Variants in TLL2 observed in about 807,000 individuals in gnomAD.
The protein encoded by TLL2 is tolloid like 2.
A neutral mutation model predicts 123.0 loss-of-function variants in TLL2; 106 were observed. That is an observed-to-expected ratio of 0.86 (90% CI 0.74 to 1.01). The LOEUF is 1.01. TLL2 is among the 50% of genes least tolerant of loss of function. The pLI is 0.00. For missense variants in TLL2, 1,332 were observed against 1,336.7 expected (o/e 1.00, Z 0.06); for synonymous variants, 494 against 516.8 (o/e 0.96, Z 0.60).
intron 4 of TLL2, among the ~76,000 whole-genome samples, chr10:96,432,007 G>A (rs540574487): frequency 2.0e-5 from 3 of 152,114 alleles, no homozygotes; most frequent in Non-Finnish European, 4.4e-5. Flanking sequence ...AAGGATGGGA[G>A]AAGGGTAGAG....
intron 1 of TLL2, among the ~76,000 whole-genome samples, chr10:96,503,733 C>A (rs556812830): frequency 1.8e-4 from 27 of 152,302 alleles, no homozygotes; most frequent in African/African-American, 6.5e-4. Flanking sequence ...TGGTATTATT[C>A]ATTTATTCTT....
intron 5 of TLL2, among the ~76,000 whole-genome samples, chr10:96,423,671 A>G (rs773518391): frequency 4.6e-5 from 7 of 152,252 alleles, no homozygotes; most frequent in Admixed American, 2.6e-4. Context: ...ATTTCTACCA[A>G]TGGGATTCAT....
chr10:96,376,997 G>A (rs1246513654), intron 17 of TLL2, among the ~76,000 whole-genome samples, 178 bp from the exon 18 acceptor site: 1 of 152,224 alleles, frequency 6.6e-6, no homozygotes, highest in Non-Finnish European at 1.5e-5. Context: ...TGGTTTACTT[G>A]CACTGGCTTT....
At chr10:96,496,575 C>T (rs1014967474) in intron 1 of TLL2, among the ~76,000 whole-genome samples, 1 of 152,234 alleles carries the variant, frequency 6.6e-6, no homozygotes, top group African/African-American at 2.4e-5. Context: ...TGGCGACCAC[C>T]TTGCTTAAAG....
chr10:96,370,884 C>T (rs1197028944), intron 19 of TLL2, among the ~76,000 whole-genome samples: 1 of 152,194 alleles, frequency 6.6e-6, no homozygotes, highest in African/African-American at 2.4e-5. Flanking sequence ...GTGGGTGTCA[C>T]AGGTGAGCTG....
At chr10:96,444,917 C>CGGT (rs200324826) in intron 3 of TLL2, among the ~76,000 whole-genome samples, 1,553 of 152,260 alleles carry the variant, frequency 0.01, 27 homozygotes, top group African/African-American at 0.033. Context: ...TGGCCAGGTG[C>CGGT]GGTGGCTCAC....
rs1589419233 is a variant in TLL2 at position 96,424,186 on chromosome 10, T to C, written c.639-1459A>G. Among the ~76,000 whole-genome samples, 7 of 151,748 alleles carry C rather than the reference T, an allele frequency of 4.6e-5. No homozygotes were observed. The South Asian group carries it at 1.5e-3, about 32-fold the overall frequency. On this transcript the variant is annotated intron_variant, in intron 5 of 20. Transcript: ENST00000357947. ...GGTAGTGGGGGACTGGTGGGGAAGGTGGAGATGGTTAATGGGTAAAGAAAA... is the reference window on the plus strand; with the variant it reads ...GGTAGTGGGGGACTGGTGGGGAAGGCGGAGATGGTTAATGGGTAAAGAAAA...
chr10:96,374,938 G>A (rs1200824404), intron 18 of TLL2, among the ~76,000 whole-genome samples: 1 of 130,216 alleles, frequency 7.7e-6, no homozygotes, highest in Non-Finnish European at 1.6e-5. Context: ...AAATGACAGA[G>A]CAGGGAGACA....
intron 1 of TLL2, among the ~76,000 whole-genome samples, chr10:96,507,697 A>G (rs373462992): frequency 3.9e-5 from 6 of 152,148 alleles, no homozygotes; most frequent in African/African-American, 1.4e-4. Flanking sequence ...AGGCTCAGGG[A>G]AGTTGAGTAA....
At chr10:96,382,670 C>T (rs953709950) in intron 16 of TLL2, among the ~76,000 whole-genome samples, 13 of 152,338 alleles carry the variant, frequency 8.5e-5, no homozygotes, top group Middle Eastern at 3.4e-3. Flanking sequence ...ACCCCCTTGC[C>T]GCTCTTTCTC....
chr10:96,423,288 G>A (rs1471135228), intron 5 of TLL2, among the ~76,000 whole-genome samples: 7 of 152,014 alleles, frequency 4.6e-5, no homozygotes, highest in African/African-American at 1.2e-4. Flanking sequence ...CAAAAGATAC[G>A]GTCTCTCTCT....
intron 10 of TLL2, among the ~76,000 whole-genome samples, chr10:96,397,879 C>T (rs892867966): frequency 1.3e-5 from 2 of 152,138 alleles, no homozygotes; most frequent in Admixed American, 1.3e-4. Flanking sequence ...ACAGGACTAG[C>T]GGGAGAGCAG....
At chr10:96,396,452 C>T (rs1215102577) in intron 11 of TLL2, among the ~76,000 whole-genome samples, 2 of 152,142 alleles carry the variant, frequency 1.3e-5, no homozygotes, top group Non-Finnish European at 2.9e-5. Context: ...CATGCGCACA[C>T]ATGCACATTA....
intron 9 of TLL2, among the ~76,000 whole-genome samples, chr10:96,407,671 T>C (rs1197461449): frequency 3.3e-5 from 5 of 152,204 alleles, no homozygotes; most frequent in Admixed American, 6.5e-5. Context: ...TAGTGTTGAG[T>C]GCCCATCCCT....
chr10:96,508,444 C>T (rs1847597045), intron 1 of TLL2, among the ~76,000 whole-genome samples: 1 of 152,128 alleles, frequency 6.6e-6, no homozygotes, highest in Admixed American at 6.5e-5. Context: ...TGTGGGCTTA[C>T]CCTCACTACT....
intron 2 of TLL2, among the ~76,000 whole-genome samples, chr10:96,476,897 C>CACAT (rs1268723496): frequency 2.0e-5 from 3 of 148,480 alleles, no homozygotes; most frequent in African/African-American, 7.4e-5. Context: ...CACACACACA[C>CACAT]GCAAACATGC....
At chr10:96,403,774 CT>C (rs11297039) in intron 10 of TLL2, among the ~76,000 whole-genome samples, 56,614 of 151,098 alleles carry the variant, frequency 0.37, 11,602 homozygotes, top group East Asian at 0.71. Context: ...CTGCCTGCCC[CT>C]GGGAACTGAA....
intron 5 of TLL2, among the ~76,000 whole-genome samples, chr10:96,426,236 T>C (rs185008180): frequency 6.6e-6 from 1 of 152,294 alleles, no homozygotes; most frequent in Non-Finnish European, 1.5e-5. Flanking sequence ...TTTGGCAGTC[T>C]CCTCTTCTTT....
intron 1 of TLL2, among the ~76,000 whole-genome samples, chr10:96,495,496 T>C (rs1847463237): frequency 6.6e-6 from 1 of 152,176 alleles, no homozygotes; most frequent in African/African-American, 2.4e-5. Flanking sequence ...AAGAAAGTTC[T>C]AGGAAATACA....
Sources: allele counts gnomAD v4.1 joint callset (sites outside exome capture counted in the v4.1 genomes callset), GRCh38; gene constraint gnomAD v4.1.1; transcripts MANE v1.5; gene names NCBI Gene and HGNC (gene_info 2026-07-23, HGNC 2026-07-21).